ABCB11: variants seen among roughly 807,000 people sequenced by gnomAD.
ABCB11 encodes bile salt export pump.
Under a neutral mutation model 148.0 loss-of-function variants are expected in ABCB11, and 95 were observed. That is an observed-to-expected ratio of 0.64 (90% CI 0.54 to 0.76). The LOEUF (loss-of-function observed/expected upper bound fraction) is 0.76. Among genes scored for constraint, ABCB11 ranks in the 30% least tolerant of loss-of-function variants. The pLI is 0.00. For missense variants in ABCB11, 1,523 were observed against 1,617.8 expected, an observed-to-expected ratio of 0.94 and a Z score of 1.01; for synonymous variants, 591 against 555.4, an observed-to-expected ratio of 1.06 and a Z score of -0.90.
chr2:169,005,295 A>G (rs1235790592), intron 5 of ABCB11, among the ~76,000 whole-genome samples: 1 of 152,084 alleles, frequency 6.6e-6, no homozygotes, highest in African/African-American at 2.4e-5. Context: ...CTACCAGGGC[A>G]GGTAGAGAAA....
chr2:169,003,164 G>A (rs1366658508), intron 5 of ABCB11, among the ~76,000 whole-genome samples: 1 of 151,634 alleles, frequency 6.6e-6, no homozygotes, highest in East Asian at 1.9e-4. Flanking sequence ...ATGCCTTTGT[G>A]TCCTCATAGC....
In ABCB11 at chr2:168,969,334, G is replaced by C. The variant is rs1394592643; in HGVS notation, c.2011+16C>G. Reference sequence around the variant, plus strand: ...CTATTTAATATAACATACAAGTATAGGGAAAAAGCACTTGCCCTTTATGTC... The same window carrying C: ...CTATTTAATATAACATACAAGTATACGGAAAAAGCACTTGCCCTTTATGTC... On this transcript the variant is annotated intron_variant, in intron 16 of 27. Coordinates refer to ENST00000650372, the MANE Select transcript of ABCB11 (RefSeq NM_003742.4). The C allele has an allele frequency of 3.1e-6, 5 of 1,604,186 alleles. No homozygotes were observed. The highest frequency in any genetic ancestry group is 4.3e-6 in the Non-Finnish European group (5 of 1,173,628).
At chr2:168,916,664 G>A (rs78316844), downstream of ABCB11, among the ~76,000 whole-genome samples, 4,018 of 152,244 alleles carry the variant, frequency 0.026, 177 homozygotes, top group African/African-American at 0.089. Flanking sequence ...TTCACCTGCC[G>A]TCTCACATGC....
At chr2:169,026,447 A>G (rs1164741646) in intron 1 of ABCB11, among the ~76,000 whole-genome samples, 1 of 152,172 alleles carries the variant, frequency 6.6e-6, no homozygotes, top group Non-Finnish European at 1.5e-5. Context: ...TGATTTTTGA[A>G]GGCCATTGTG....
intron 1 of ABCB11, among the ~76,000 whole-genome samples, chr2:169,024,449 T>C (rs1032116508): frequency 1.8e-4 from 27 of 152,178 alleles, no homozygotes; most frequent in African/African-American, 6.5e-4. Context: ...GTTTTGATTT[T>C]ATAGAAAAAT....
chr2:169,012,470 C>T (rs1236220388), intron 5 of ABCB11, among the ~76,000 whole-genome samples: 2 of 152,224 alleles, frequency 1.3e-5, no homozygotes, highest in East Asian at 1.9e-4. Flanking sequence ...CAGCACTGCC[C>T]TAGTTTTCTC....
chr2:168,958,145 G>A lies in ABCB11; in HGVS notation c.2179-17C>T, dbSNP rs853772. The A allele has an allele frequency of 6.2e-7, 1 of 1,607,118 alleles. No individual in the cohort carries two copies. ...GTCCTTGTCCTTGAGCAGAGAGAGG[G>A]TTATATTAATCATCTAAATGTACTC... On this transcript the variant is annotated splice_polypyrimidine_tract_variant and intron_variant, in intron 18 of 27. Transcript: ENST00000650372.
Position 168,930,835 on chromosome 2 carries a change from C to A in ABCB11, c.3241G>T (p.Val1081Phe). Residue 1081 changes from valine to phenylalanine, a missense_variant, in exon 25 of 28, where the codon GTT (valine) becomes TTT (phenylalanine). Transcript: ENST00000650372. ...GAAGGATATGTAAATTTACAATCAA[C>A]AAAATCAATCTTCCCCTGGAAGTTG... is the stretch of plus-strand genomic sequence containing the variant. ...WDNFQGKIDF[V>F]DCKFTYPSRP... The A allele has an allele frequency of 6.2e-7, 1 of 1,606,390 alleles. No homozygotes were observed. The highest frequency in any genetic ancestry group is 8.5e-7 in the Non-Finnish European group (1 of 1,176,462).
chr2:168,946,617 C>A (rs1345463281), intron 19 of ABCB11, among the ~76,000 whole-genome samples: 2 of 151,402 alleles, frequency 1.3e-5, no homozygotes, highest in East Asian at 2.0e-4. Flanking sequence ...GTGCAAATAC[C>A]CTGAAACCCC....
intron 9 of ABCB11, 46 bp downstream of exon 9, chr2:168,990,755 G>A: frequency 3.1e-6 from 5 of 1,608,140 alleles, no homozygotes; most frequent in Non-Finnish European, 4.2e-6. Flanking sequence ...AGGGTACTAT[G>A]CTGATTGATG....
chr2:169,012,710 A>G lies in ABCB11; in HGVS notation c.389+562T>C, dbSNP rs1264176543. ...AGCCAAGATCACACCACTGTACTCCAGCCTGGGCAAAAAAGGAGACTCCAT... is the reference window on the plus strand; with the variant it reads ...AGCCAAGATCACACCACTGTACTCCGGCCTGGGCAAAAAAGGAGACTCCAT... On this transcript the variant is annotated intron_variant, in intron 5 of 27. Transcript: ENST00000650372. Among the ~76,000 whole-genome samples, 32 of 150,984 alleles carry G rather than the reference A, an allele frequency of 2.1e-4. No individual in the cohort carries two copies. In the East Asian group the frequency reaches 6.3e-3, roughly 30 times the overall value.
At chr2:168,973,299 GGT>G (rs1491110020) in intron 13 of ABCB11, among the ~76,000 whole-genome samples, 3 of 98,216 alleles carry the variant, frequency 3.1e-5, no homozygotes, top group African/African-American at 1.1e-4. Context: ...AAATTTAGAT[GGT>G]ATATATATAT....
chr2:169,019,648 G>T (rs73024739), intron 1 of ABCB11, among the ~76,000 whole-genome samples: 3,579 of 152,270 alleles, frequency 0.024, 68 homozygotes, highest in African/African-American at 0.041. Flanking sequence ...GACCTCCACA[G>T]TTGCAACCTG....
chr2:168,919,222 A>T (rs1273885770), downstream of ABCB11, among the ~76,000 whole-genome samples: 1 of 152,154 alleles, frequency 6.6e-6, no homozygotes, highest in African/African-American at 2.4e-5. Flanking sequence ...TGACTTTGTA[A>T]ATAACATTCT....
chr2:169,010,368 C>G (rs562524953), intron 5 of ABCB11, among the ~76,000 whole-genome samples: 17 of 152,280 alleles, frequency 1.1e-4, no homozygotes, highest in African/African-American at 3.4e-4. Flanking sequence ...AGAGACCTGA[C>G]ACTCTGTAAT....
intron 19 of ABCB11, among the ~76,000 whole-genome samples, chr2:168,952,522 T>A (rs1403468714): frequency 6.6e-6 from 1 of 151,506 alleles, no homozygotes; most frequent in Non-Finnish European, 1.5e-5. Context: ...TTCATAATAG[T>A]CTGTGATAAT....
chr2:168,936,536 T>C, intron 21 of ABCB11, 103 bp from the exon 22 acceptor site: 2 of 981,478 alleles, frequency 2.0e-6, no homozygotes, highest in East Asian at 2.6e-5. Context: ...TGATAAAATA[T>C]ACATAACAAT....
chr2:168,950,437 C>T (rs1178614442), intron 19 of ABCB11, among the ~76,000 whole-genome samples: 3 of 151,624 alleles, frequency 2.0e-5, no homozygotes, highest in African/African-American at 7.3e-5. Context: ...CACATCTTTG[C>T]TAACATCTGT....
downstream of ABCB11, among the ~76,000 whole-genome samples, chr2:168,916,501 G>C (rs1009994331): frequency 1.3e-5 from 2 of 152,282 alleles, 1 homozygote; most frequent in South Asian, 4.1e-4. Flanking sequence ...CATACAACTC[G>C]CTAATGAGCA....
Sources: allele counts gnomAD v4.1 joint callset (sites outside exome capture counted in the v4.1 genomes callset), GRCh38; gene constraint gnomAD v4.1.1; transcripts MANE v1.5; gene names NCBI Gene and HGNC (gene_info 2026-07-23, HGNC 2026-07-21).